Variants in CNTNAP5 observed in about 807,000 individuals in gnomAD.
The protein encoded by CNTNAP5 is contactin-associated protein-like 5.
Under a neutral mutation model 150.2 loss-of-function variants are expected in CNTNAP5, and 72 were observed. The observed-to-expected ratio is 0.48, with a 90% CI of 0.40 to 0.58. The LOEUF is 0.58. Among genes scored for constraint, CNTNAP5 ranks in the 20% least tolerant of loss-of-function variants. CNTNAP5 has a pLI of 0.00. For missense variants in CNTNAP5, 1,636 were observed against 1,626.2 expected (o/e 1.01, Z -0.10); for synonymous variants, 672 against 619.8 (o/e 1.08, Z -1.25).
chr2:124,797,707 A>G (rs1395049037), intron 18 of CNTNAP5, among the ~76,000 whole-genome samples: 2 of 152,208 alleles, frequency 1.3e-5, no homozygotes, highest in African/African-American at 4.8e-5. Flanking sequence ...TTTGGGAGTA[A>G]GATGGTGCCA....
intron 10 of CNTNAP5, among the ~76,000 whole-genome samples, chr2:124,538,117 G>A (rs550821941): frequency 1.2e-3 from 175 of 152,160 alleles, no homozygotes; most frequent in Non-Finnish European, 1.8e-3. Flanking sequence ...GCATGTCAAC[G>A]TATCAGGAAG....
chr2:124,434,722 T>C (rs1410422274), intron 5 of CNTNAP5, 35 bp downstream of exon 5: 5 of 1,551,284 alleles, frequency 3.2e-6, no homozygotes, highest in Non-Finnish European at 4.4e-6. Flanking sequence ...TGCCAAGGGA[T>C]GGAGAGCTCC....
chr2:124,545,001 G>A (rs1053153135), intron 10 of CNTNAP5, among the ~76,000 whole-genome samples: 2 of 151,890 alleles, frequency 1.3e-5, no homozygotes, highest in Admixed American at 6.6e-5. Context: ...GTGATTTAAC[G>A]ATTACTAGAT....
intron 7 of CNTNAP5, among the ~76,000 whole-genome samples, chr2:124,479,085 T>A (rs924506923): frequency 1.3e-5 from 2 of 152,152 alleles, no homozygotes; most frequent in Admixed American, 1.3e-4. Context: ...CGAAATGCAG[T>A]AAAACTAACA....
At chr2:124,846,833 T>G (rs1683057940) in intron 19 of CNTNAP5, among the ~76,000 whole-genome samples, 1 of 152,114 alleles carries the variant, frequency 6.6e-6, no homozygotes, top group Admixed American at 6.5e-5. Context: ...GTAGTGGTTG[T>G]TTTTGCTCTT....
At chr2:124,753,053 G>T (rs943840565) in intron 14 of CNTNAP5, among the ~76,000 whole-genome samples, 10 of 152,112 alleles carry the variant, frequency 6.6e-5, no homozygotes, top group Non-Finnish European at 1.5e-4. Flanking sequence ...ATTTATTTTA[G>T]AAGAAAGTAC....
rs144353002 is a variant in CNTNAP5, at chr2:124,869,505, G to A, written c.3349-170G>A. On this transcript the variant is annotated intron_variant, in intron 20 of 23. Coordinates refer to ENST00000682447, the MANE Select transcript of CNTNAP5 (RefSeq NM_001367498.1). ...AAGAAGAAAGAAAGGGGTATTTTAT[G>A]TGCGTTGTGGGCAAATTAGCGAGAC... is the stretch of plus-strand genomic sequence containing the variant. Among the ~76,000 whole-genome samples, 511 of 152,260 alleles carry A rather than the reference G, an allele frequency of 3.4e-3. 5 individuals are homozygous for A. Among genetic ancestry groups the A allele is most frequent in the African/African-American group, 0.012 (496 of 41,550 alleles).
intron 17 of CNTNAP5, among the ~76,000 whole-genome samples, chr2:124,786,383 GAAAGAAA>G (rs1681578618): frequency 1.8e-4 from 15 of 83,202 alleles, no homozygotes; most frequent in Middle Eastern, 6.2e-3. Context: ...AAGAAAGAAA[GAAAGAAA>G]GAAAGAAAGA....
intron 13 of CNTNAP5, among the ~76,000 whole-genome samples, chr2:124,730,032 T>C (rs912662154): frequency 1.3e-5 from 2 of 152,104 alleles, no homozygotes; most frequent in Non-Finnish European, 2.9e-5. Flanking sequence ...TTTGCTAGCA[T>C]CAGACTTGAG....
rs796738178 is a variant in CNTNAP5, at chr2:124,279,224, AGTGTGTGTGTGTGTGTGTGTGTGTCTGT to A, written c.381+36844_381+36871del. On this transcript the variant is annotated intron_variant, in intron 3 of 23. Coordinates refer to ENST00000682447, the MANE Select transcript of CNTNAP5 (RefSeq NM_001367498.1). ...TATATTCTTAGTTAAAACTGTAGGAAGTGTGTGTGTGTGTGTGTGTGTGTCTGTGTGTGTGTGTGTTTTAAATTGGTGA... is the reference window on the plus strand; with the variant it reads ...TATATTCTTAGTTAAAACTGTAGGAAGTGTGTGTGTGTTTTAAATTGGTGA... Among the ~76,000 whole-genome samples the A allele has an allele frequency of 2.5e-3, 373 of 150,152 alleles. 6 individuals are homozygous for A. The highest frequency in any genetic ancestry group is 8.5e-3 in the African/African-American group (348 of 41,108).
chr2:124,662,518 G>C (rs191929860), intron 13 of CNTNAP5, among the ~76,000 whole-genome samples: 13 of 152,286 alleles, frequency 8.5e-5, no homozygotes, highest in African/African-American at 3.1e-4. Flanking sequence ...TATTACAACA[G>C]CCGTTAAATA....
At chr2:124,904,773 A>T (rs1678496294) in intron 22 of CNTNAP5, among the ~76,000 whole-genome samples, 1 of 152,068 alleles carries the variant, frequency 6.6e-6, no homozygotes, top group Non-Finnish European at 1.5e-5. Context: ...TGTAAACTCC[A>T]GGAAGGGAAC....
chr2:124,380,910 A>G (rs946320775), intron 3 of CNTNAP5, among the ~76,000 whole-genome samples: 2 of 152,210 alleles, frequency 1.3e-5, no homozygotes, highest in Admixed American at 1.3e-4. Flanking sequence ...CACGCAAAAA[A>G]GTAAGCTACT....
intron 3 of CNTNAP5, among the ~76,000 whole-genome samples, chr2:124,332,482 A>G (rs183628546): frequency 9.6e-4 from 145 of 151,562 alleles, no homozygotes; most frequent in Non-Finnish European, 1.4e-3. Flanking sequence ...AATAGTACAT[A>G]TTTACTAACT....
chr2:124,054,033 G>T (rs142961764), intron 1 of CNTNAP5, among the ~76,000 whole-genome samples: 1 of 152,280 alleles, frequency 6.6e-6, no homozygotes, highest in East Asian at 1.9e-4. Flanking sequence ...GGAACAAAGT[G>T]GCATCGTATT....
At chr2:124,661,227 C>A (rs748103410) in intron 13 of CNTNAP5, among the ~76,000 whole-genome samples, 1 of 151,724 alleles carries the variant, frequency 6.6e-6, no homozygotes, top group African/African-American at 2.4e-5. Flanking sequence ...GCATTTTTAA[C>A]ATTTTTACTC....
intron 14 of CNTNAP5, among the ~76,000 whole-genome samples, chr2:124,753,393 T>A (rs1680771777): frequency 6.6e-6 from 1 of 152,158 alleles, no homozygotes; most frequent in Non-Finnish European, 1.5e-5. Context: ...TTAGACAGAT[T>A]TTTACCAATG....
intron 19 of CNTNAP5, among the ~76,000 whole-genome samples, chr2:124,828,655 A>G (rs1330294534): frequency 6.9e-6 from 1 of 144,544 alleles, no homozygotes; most frequent in Non-Finnish European, 1.5e-5. Flanking sequence ...TGGCTTCTCT[A>G]TAAGTATAAG....
At chr2:124,442,881 A>G (rs553617799) in intron 5 of CNTNAP5, among the ~76,000 whole-genome samples, 122 of 152,208 alleles carry the variant, frequency 8.0e-4, no homozygotes, top group Non-Finnish European at 1.4e-3. Context: ...AGAAATGCAT[A>G]TTAAAATTTC....
Sources: allele counts gnomAD v4.1 joint callset (sites outside exome capture counted in the v4.1 genomes callset), GRCh38; gene constraint gnomAD v4.1.1; transcripts MANE v1.5; gene names NCBI Gene and HGNC (gene_info 2026-07-23, HGNC 2026-07-21).